CNGB1: variants seen among roughly 807,000 people sequenced by gnomAD.
CNGB1 encodes cyclic nucleotide gated channel subunit beta 1.
CNGB1 carries 126 observed loss-of-function variants against 151.7 expected under a neutral mutation model. The observed-to-expected ratio is 0.83, with a 90% CI of 0.72 to 0.96. CNGB1 has a LOEUF of 0.96. Among genes scored for constraint, CNGB1 ranks in the 40% least tolerant of loss-of-function variants. The probability of loss-of-function intolerance (pLI) is 0.00; values close to 1 mark genes in which losing one functional copy is unlikely to be tolerated. For synonymous variants in CNGB1, 623 were observed against 635.1 expected, an observed-to-expected ratio of 0.98 and a Z score of 0.29; for missense variants, 1,698 against 1,627.0, an observed-to-expected ratio of 1.04 and a Z score of -0.75.
intron 12 of CNGB1, among the ~76,000 whole-genome samples, chr16:57,953,888 G>GAA (rs111299309): frequency 6.8e-6 from 1 of 147,440 alleles, no homozygotes; most frequent in African/African-American, 2.5e-5. Context: ...AAGAAAGAAA[G>GAA]AAAAAAAAAA....
At chr16:57,946,039 G>A (rs1232207580) in intron 14 of CNGB1, among the ~76,000 whole-genome samples, 5 of 152,150 alleles carry the variant, frequency 3.3e-5, no homozygotes, top group Non-Finnish European at 7.3e-5. Flanking sequence ...GCTTGACAGG[G>A]TGCCCAGTGC....
chr16:57,922,490 G>A (rs1188173683), intron 18 of CNGB1, among the ~76,000 whole-genome samples: 2 of 149,966 alleles, frequency 1.3e-5, no homozygotes, highest in African/African-American at 5.0e-5. Context: ...GTGCAGAGGT[G>A]TGATCTCAGC....
In CNGB1 at chr16:57,883,841, A is replaced by T; in HGVS notation, c.*323T>A. On this transcript the variant is annotated 3_prime_UTR_variant, in exon 33 of 33. Transcript: ENST00000251102. ...GTATTGGAGCCTCATTTTATCCCTC[A>T]CCCATGAACTTTAAAAGTGGAAAAT... The T allele has an allele frequency of 2.2e-6, 1 of 462,108 alleles. No homozygotes were observed. 28.6% of individuals were successfully genotyped at this position (462,108 alleles called of 1,614,324 possible).
At position 57,931,773 on chromosome 16, in the gene CNGB1, G is replaced by T; in HGVS notation, c.1478C>A (p.Pro493Gln). 6.2e-7 allele frequency: 1 copy of T among 1,614,170 alleles called. No individual in the cohort carries two copies. Among genetic ancestry groups the T allele is most frequent in the Non-Finnish European group, 8.5e-7 (1 of 1,180,032 alleles). Reference protein sequence around the residue: ...ENPPSTVLPPPSPAKSDTLIV... With the variant: ...ENPPSTVLPPQSPAKSDTLIV... ...AAGGGTGTCTGATTTGGCAGGAGAC[G>T]GTGGCGGCAACACGGTTGAGGGTGG... The change falls in exon 17 of 33, where the codon CCG becomes CAG. Residue 493 changes from proline (P) to glutamine (Q), a missense_variant. Transcript: ENST00000251102.
At position 57,897,818 on chromosome 16, in the gene CNGB1, C is replaced by T; in HGVS notation, c.3073G>A (p.Gly1025Arg). 6.2e-7 allele frequency: 1 copy of T among 1,614,224 alleles called. No individual in the cohort carries two copies. The highest frequency in any genetic ancestry group is 8.5e-7 in the Non-Finnish European group (1 of 1,180,034). The change falls in exon 30 of 33, where the codon GGA becomes AGA. Residue 1025 changes from glycine (G) to arginine (R), a missense_variant. Coordinates refer to ENST00000251102, the MANE Select transcript of CNGB1 (RefSeq NM_001297.5). ...GKSVLVTLKA[G>R]SVFGEISLLA... ...GACCTTATTTCTCCAAACACAGATCCAGCTTTCAGCGTCACCAGCACAGAT... is the reference window on the plus strand; with the variant it reads ...GACCTTATTTCTCCAAACACAGATCTAGCTTTCAGCGTCACCAGCACAGAT...
At chr16:57,916,814 G>T (rs1960878811) in intron 21 of CNGB1, among the ~76,000 whole-genome samples, 1 of 152,112 alleles carries the variant, frequency 6.6e-6, no homozygotes, top group Admixed American at 6.6e-5. Context: ...CAGGACCCCT[G>T]GGAGAAGTCA....
rs773593999 is a variant in CNGB1 at position 57,897,454 on chromosome 16, A to T, written c.3185T>A (p.Leu1062Gln). The T allele has an allele frequency of 6.2e-7, 1 of 1,614,230 alleles. No homozygotes were observed. The highest frequency in any genetic ancestry group is 8.5e-7 in the Non-Finnish European group (1 of 1,180,030). ...TNLFILDKKD[L>Q]NEILVHYPES... is the part of the protein sequence containing the mutation. ...AGGATAATGCACCAAAATCTCATTC[A>T]GGTCCTTCTTATCCAGGATGAAGAG... Residue 1062 changes from leucine (L) to glutamine (Q), a missense_variant, in exon 31 of 33, where the codon CTG (leucine) becomes CAG (glutamine). Transcript: ENST00000251102.
At chr16:57,917,719 T>A (rs548808700) in intron 20 of CNGB1, among the ~76,000 whole-genome samples, 39 of 151,526 alleles carry the variant, frequency 2.6e-4, no homozygotes, top group Non-Finnish European at 4.7e-4. Context: ...CCCAGCACTT[T>A]GGGAGGCCTA....
chr16:57,962,922 C>T, intron 5 of CNGB1, 50 bp from the exon 6 acceptor site: 1 of 1,612,162 alleles, frequency 6.2e-7, no homozygotes. Context: ...AGGGCAGCCT[C>T]CCCACAGCCC....
intron 12 of CNGB1, among the ~76,000 whole-genome samples, chr16:57,953,923 C>G (rs1167797018): frequency 6.6e-6 from 1 of 152,082 alleles, no homozygotes; most frequent in Non-Finnish European, 1.5e-5. Flanking sequence ...ATTCCCAGCT[C>G]CCGGTACTCT....
At chr16:57,888,102 C>G in intron 31 of CNGB1, 28 bp from the exon 32 acceptor site, 1 of 1,602,798 alleles carries the variant, frequency 6.2e-7, no homozygotes. Flanking sequence ...CCATTGACAT[C>G]ACAGACGCAC....
At chr16:57,888,187 G>A (rs1387025556) in intron 31 of CNGB1, 113 bp from the exon 32 acceptor site, 5 of 1,149,188 alleles carry the variant, frequency 4.4e-6, no homozygotes, top group South Asian at 1.3e-5. Flanking sequence ...ATTTTGGCTG[G>A]TGATTGTAGA....
intron 25 of CNGB1, among the ~76,000 whole-genome samples, chr16:57,908,376 G>C (rs1391855304): frequency 1.3e-5 from 2 of 152,234 alleles, no homozygotes; most frequent in Non-Finnish European, 2.9e-5. Flanking sequence ...GGGAGCAAGG[G>C]CCTGGGGGTA....
intron 16 of CNGB1, among the ~76,000 whole-genome samples, chr16:57,934,769 C>A (rs1195524037): frequency 6.6e-6 from 1 of 152,098 alleles, no homozygotes; most frequent in Non-Finnish European, 1.5e-5. Context: ...CCAGCCTGGC[C>A]AACATGGAGA....
intron 11 of CNGB1, 74 bp from the exon 12 acceptor site, chr16:57,957,451 C>T: frequency 7.4e-7 from 1 of 1,359,436 alleles, no homozygotes; most frequent in Non-Finnish European, 1.1e-6. Flanking sequence ...GCCACACCTT[C>T]TAGCACGTGA....
chr16:57,968,238 C>A (rs745616964), intron 1 of CNGB1, among the ~76,000 whole-genome samples: 5 of 152,174 alleles, frequency 3.3e-5, no homozygotes, highest in African/African-American at 4.8e-5. Context: ...TGGCTCACAC[C>A]TATAATCCCA....
chr16:57,932,425 C>T (rs1372064410), intron 16 of CNGB1, among the ~76,000 whole-genome samples: 4 of 128,704 alleles, frequency 3.1e-5, no homozygotes, highest in East Asian at 2.3e-4. Flanking sequence ...TTTTTTGAGT[C>T]GGAGTCTCGC....
chr16:57,894,182 A>G (rs1456626080), intron 31 of CNGB1, among the ~76,000 whole-genome samples: 2 of 152,244 alleles, frequency 1.3e-5, no homozygotes, highest in Non-Finnish European at 2.9e-5. Flanking sequence ...CACTGTGGAA[A>G]GGAATGAGGA....
At chr16:57,944,913 C>T (rs1325097280) in intron 14 of CNGB1, among the ~76,000 whole-genome samples, 1 of 142,588 alleles carries the variant, frequency 7.0e-6, no homozygotes, top group Non-Finnish European at 1.5e-5. Context: ...AGTATCATGC[C>T]ACTCCACTCC....
Sources: allele counts gnomAD v4.1 joint callset (sites outside exome capture counted in the v4.1 genomes callset), GRCh38; gene constraint gnomAD v4.1.1; transcripts MANE v1.5; gene names NCBI Gene and HGNC (gene_info 2026-07-23, HGNC 2026-07-21).